The following SDK1 variants were observed in gnomAD, a reference collection of about 807,000 sequenced individuals.
The protein encoded by SDK1 is protein sidekick-1.
SDK1 carries 157 observed loss-of-function variants against 245.5 expected under a neutral mutation model. The observed-to-expected ratio is 0.64, with a 90% CI of 0.56 to 0.73. SDK1 has a LOEUF of 0.73. Ranked by LOEUF, SDK1 falls within the 30% of genes least tolerant of loss-of-function variation. The pLI, the probability that SDK1 is intolerant of heterozygous loss-of-function variation, is 0.00. For missense variants in SDK1, 3,583 were observed against 3,002.3 expected (o/e 1.19, Z -4.52); for synonymous variants, 1,647 against 1,278.5 (o/e 1.29, Z -6.15).
chr7:3,803,944 T>G (rs1311050954), intron 4 of SDK1, among the ~76,000 whole-genome samples: 1 of 152,048 alleles, frequency 6.6e-6, no homozygotes, highest in Non-Finnish European at 1.5e-5. Context: ...TTTTGTATTT[T>G]TAGTAGAGAC....
Position 3,774,147 on chromosome 7 carries a change from G to A in SDK1, c.714-47303G>A, listed in dbSNP as rs10269036. On this transcript the variant is annotated intron_variant, in intron 4 of 44. Coordinates refer to ENST00000404826, the MANE Select transcript of SDK1 (RefSeq NM_152744.4). ...GGAGAATGGCGTGAACCCAGGAGGC[G>A]GAGGTTGCAGTGAGCCAAGATAGCG... Among the ~76,000 whole-genome samples the A allele has an allele frequency of 5.0e-3, 757 of 151,512 alleles. 6 individuals carry two copies. The highest frequency in any genetic ancestry group is 0.017 in the African/African-American group (716 of 41,294).
At chr7:3,432,934 A>G (rs1462221545) in intron 1 of SDK1, among the ~76,000 whole-genome samples, 1 of 152,230 alleles carries the variant, frequency 6.6e-6, no homozygotes, top group Non-Finnish European at 1.5e-5. Context: ...GCATGTTATT[A>G]CTAACTTGTA....
At chr7:4,224,729 C>G (rs1436809335) in intron 40 of SDK1, among the ~76,000 whole-genome samples, 1 of 151,996 alleles carries the variant, frequency 6.6e-6, no homozygotes, top group Non-Finnish European at 1.5e-5. Flanking sequence ...GCCTGTAATC[C>G]CAGCACTTTG....
Position 3,987,920 on chromosome 7 carries a change from C to A in SDK1, c.2131+598C>A, listed in dbSNP as rs74363631. Among the ~76,000 whole-genome samples, 590 of 152,194 alleles carry A rather than the reference C, an allele frequency of 3.9e-3. 11 individuals carry two copies. In the South Asian group the frequency reaches 0.053, roughly 14 times the overall value. On this transcript the variant is annotated intron_variant, in intron 14 of 44. Coordinates refer to ENST00000404826, the MANE Select transcript of SDK1 (RefSeq NM_152744.4). ...GTGTGCCCCGCCGTGTGCACCCACT[C>A]ACGCCTCTCCGCTCTCCCTGGAATC...
intron 25 of SDK1, among the ~76,000 whole-genome samples, chr7:4,120,915 C>G (rs1247606673): frequency 2.1e-5 from 3 of 145,856 alleles, no homozygotes; most frequent in East Asian, 3.9e-4. Flanking sequence ...CACACCCGGC[C>G]AAGAACACTC....
intron 19 of SDK1, among the ~76,000 whole-genome samples, chr7:4,053,676 A>G (rs1335943771): frequency 2.6e-5 from 4 of 152,104 alleles, no homozygotes; most frequent in African/African-American, 7.2e-5. Flanking sequence ...TCCTGGAACA[A>G]TCTCGCCATT....
At chr7:3,401,699 T>A (rs1463074670) in intron 1 of SDK1, among the ~76,000 whole-genome samples, 2 of 152,170 alleles carry the variant, frequency 1.3e-5, no homozygotes, top group Non-Finnish European at 2.9e-5. Flanking sequence ...ATTTTTTTTT[T>A]TTATTATGGA....
chr7:4,073,526 G>A (rs1223289870), intron 20 of SDK1, among the ~76,000 whole-genome samples: 3 of 152,194 alleles, frequency 2.0e-5, no homozygotes, highest in Non-Finnish European at 4.4e-5. Flanking sequence ...CAAACATGAC[G>A]CTGTGTTTCA....
chr7:3,417,458 C>G (rs1222613896), intron 1 of SDK1, among the ~76,000 whole-genome samples: 3 of 151,508 alleles, frequency 2.0e-5, no homozygotes, highest in Non-Finnish European at 4.4e-5. Flanking sequence ...TCTTTTTTTT[C>G]TCTCTCTTAC....
At chr7:3,886,145 G>A (rs1025750885) in intron 5 of SDK1, among the ~76,000 whole-genome samples, 1 of 152,346 alleles carries the variant, frequency 6.6e-6, no homozygotes, top group Middle Eastern at 3.4e-3. Context: ...GGACTGTACA[G>A]TTATCCTACG....
intron 1 of SDK1, among the ~76,000 whole-genome samples, chr7:3,320,780 G>C (rs1403329054): frequency 6.6e-6 from 1 of 152,054 alleles, no homozygotes; most frequent in Non-Finnish European, 1.5e-5. Context: ...TGCATCTAGA[G>C]TGAGACCAAA....
At chr7:3,905,337 G>T (rs896896478) in intron 5 of SDK1, among the ~76,000 whole-genome samples, 1 of 152,122 alleles carries the variant, frequency 6.6e-6, no homozygotes, top group Non-Finnish European at 1.5e-5. Flanking sequence ...TGGAGGTAAT[G>T]TTACTCTCAT....
intron 1 of SDK1, among the ~76,000 whole-genome samples, chr7:3,537,950 C>T (rs1428146246): frequency 6.6e-6 from 1 of 152,224 alleles, no homozygotes. Flanking sequence ...ACCTCCAGTG[C>T]TCCTCCAGGG....
chr7:3,619,289 G>A, intron 2 of SDK1, 50 bp downstream of exon 2: 3 of 1,522,192 alleles, frequency 2.0e-6, no homozygotes, highest in Non-Finnish European at 2.7e-6. Flanking sequence ...GATGTGTTTG[G>A]AATACTTGCC....
chr7:3,568,253 C>A (rs142546310), intron 1 of SDK1, among the ~76,000 whole-genome samples: 1 of 152,218 alleles, frequency 6.6e-6, no homozygotes, highest in African/African-American at 2.4e-5. Flanking sequence ...AAATGCATAA[C>A]TTCATATGCA....
chr7:3,344,729 C>A lies in SDK1; in HGVS notation c.298+42845C>A, dbSNP rs201771289. ...ACGTTTCAATCAGATGGGCCTGAGC[C>A]CTGTCTAGTGTATAATTTACCTTTT... On this transcript the variant is annotated intron_variant, in intron 1 of 44. Transcript: ENST00000404826. Among the ~76,000 whole-genome samples, 8 of 152,262 alleles carry A rather than the reference C, an allele frequency of 5.3e-5. No homozygotes were observed. The East Asian group carries it at 1.5e-3, about 29-fold the overall frequency.
intron 1 of SDK1, among the ~76,000 whole-genome samples, chr7:3,563,948 A>T (rs1203755865): frequency 6.6e-6 from 1 of 152,106 alleles, no homozygotes; most frequent in African/African-American, 2.4e-5. Flanking sequence ...ACATATTTCT[A>T]AATAGCTATT....
rs185796271 is a variant in SDK1 at position 3,587,231 on chromosome 7, G to A, written c.299-31849G>A. On this transcript the variant is annotated intron_variant, in intron 1 of 44. Transcript: ENST00000404826. ...GACAGAGGAGAAATTGAGGGTCAGA[G>A]GGGATTTAGAGTTTGAGATTTTAAA... 6.6e-5 allele frequency among the ~76,000 whole-genome samples: 10 copies of A among 152,296 alleles called. No homozygotes were observed. The South Asian group carries it at 1.9e-3, about 28-fold the overall frequency.
chr7:3,833,029 G>C (rs1183948363), intron 5 of SDK1, among the ~76,000 whole-genome samples: 3 of 152,008 alleles, frequency 2.0e-5, no homozygotes, highest in African/African-American at 7.3e-5. Context: ...AAAAATGTGA[G>C]CTGGGAATTC....
Sources: allele counts gnomAD v4.1 joint callset (sites outside exome capture counted in the v4.1 genomes callset), GRCh38; gene constraint gnomAD v4.1.1; transcripts MANE v1.5; gene names NCBI Gene and HGNC (gene_info 2026-07-23, HGNC 2026-07-21).